GPHN: variants seen among roughly 807,000 people sequenced by gnomAD.
GPHN encodes gephyrin.
A neutral mutation model predicts 95.5 loss-of-function variants in GPHN; 17 were observed. That is an observed-to-expected ratio of 0.18 (90% CI 0.12 to 0.27). The LOEUF (loss-of-function observed/expected upper bound fraction) is 0.27. Among genes scored for constraint, GPHN ranks in the 10% least tolerant of loss-of-function variants. The pLI is 1.00. For missense variants in GPHN, 660 were observed against 978.1 expected (o/e 0.67, Z 4.34); for synonymous variants, 320 against 322.5 (o/e 0.99, Z 0.08).
the GPHN span, among the ~76,000 whole-genome samples, chr14:67,698,076 T>A: frequency 1.1e-4 from 16 of 152,344 alleles, no homozygotes; most frequent in South Asian, 2.3e-3. Flanking sequence ...AACATTGAAG[T>A]CAGCATTGCA....
the GPHN span, among the ~76,000 whole-genome samples, chr14:67,632,084 C>T: frequency 2.0e-5 from 3 of 152,026 alleles, no homozygotes; most frequent in African/African-American, 7.2e-5. Context: ...TGAGGTCTCA[C>T]TATGCTGCCC....
At chr14:66,590,969 G>C (rs1043980490) in intron 1 of GPHN, among the ~76,000 whole-genome samples, 4 of 152,066 alleles carry the variant, frequency 2.6e-5, no homozygotes, top group Non-Finnish European at 5.9e-5. Context: ...TAATCAAGTC[G>C]GCTTTATCTC....
intron 1 of GPHN, among the ~76,000 whole-genome samples, chr14:66,584,240 A>G (rs545962476): frequency 4.4e-4 from 67 of 152,228 alleles, no homozygotes; most frequent in East Asian, 2.1e-3. Context: ...TTGAGTTTGT[A>G]TCCTGAGACT....
chr14:67,729,068 C>G, the GPHN span: 1 of 1,001,508 alleles, frequency 1.0e-6, no homozygotes. Context: ...GTGGTACCTG[C>G]TGAATCCTGG....
chr14:66,562,839 G>C (rs755395136), intron 1 of GPHN, among the ~76,000 whole-genome samples: 1 of 152,062 alleles, frequency 6.6e-6, no homozygotes, highest in African/African-American at 2.4e-5. Context: ...TTCTAGTAGA[G>C]AGGAGGAGGG....
chr14:67,068,257 A>G (rs2076146420), intron 11 of GPHN, among the ~76,000 whole-genome samples: 1 of 152,200 alleles, frequency 6.6e-6, no homozygotes, highest in Admixed American at 6.5e-5. Flanking sequence ...GTTTGCATGT[A>G]TAAAGTGTTT....
the GPHN span, among the ~76,000 whole-genome samples, chr14:67,193,970 AAC>A: frequency 6.6e-6 from 1 of 150,578 alleles, no homozygotes; most frequent in African/African-American, 2.4e-5. Flanking sequence ...AAAAACGAAA[AAC>A]AAAAAAAAAA....
chr14:67,719,679 T>C, the GPHN span, among the ~76,000 whole-genome samples: 1 of 152,064 alleles, frequency 6.6e-6, no homozygotes, highest in African/African-American at 2.4e-5. Context: ...GGTCTCACTA[T>C]GTTGCCCAGG....
At chr14:66,735,195 G>T (rs946850095) in intron 2 of GPHN, among the ~76,000 whole-genome samples, 1 of 152,082 alleles carries the variant, frequency 6.6e-6, no homozygotes, top group Non-Finnish European at 1.5e-5. Flanking sequence ...GATACCATAG[G>T]CTTTTTTTAA....
intron 5 of GPHN, among the ~76,000 whole-genome samples, chr14:66,913,231 T>C (rs1191835443): frequency 6.6e-6 from 1 of 152,222 alleles, no homozygotes; most frequent in East Asian, 1.9e-4. Flanking sequence ...AGCAAGTGGA[T>C]GCTTGCTGGT....
intron 4 of GPHN, among the ~76,000 whole-genome samples, chr14:66,850,893 A>G (rs571819355): frequency 5.2e-4 from 79 of 152,278 alleles, no homozygotes; most frequent in African/African-American, 1.7e-3. Flanking sequence ...AATTTAAATG[A>G]TAATGAGATT....
At chr14:66,537,539 AT>A (rs1365184479) in intron 1 of GPHN, among the ~76,000 whole-genome samples, 1 of 151,804 alleles carries the variant, frequency 6.6e-6, no homozygotes, top group Non-Finnish European at 1.5e-5. Context: ...CCTTTGTGCT[AT>A]TTTTTTCATA....
intron 3 of GPHN, among the ~76,000 whole-genome samples, chr14:66,803,708 C>G (rs2060443004): frequency 6.6e-6 from 1 of 151,896 alleles, no homozygotes; most frequent in South Asian, 2.1e-4. Flanking sequence ...TTGTTGTTTA[C>G]TTTCTCTGCA....
chr14:67,165,596 CAGA>C (rs2082230791), intron 20 of GPHN, among the ~76,000 whole-genome samples: 1 of 152,178 alleles, frequency 6.6e-6, no homozygotes, highest in Admixed American at 6.5e-5. Context: ...CTCTCATAAC[CAGA>C]AGTATTGTGC....
chr14:66,931,384 A>G (rs958478515), intron 8 of GPHN, among the ~76,000 whole-genome samples: 6 of 152,022 alleles, frequency 3.9e-5, no homozygotes, highest in South Asian at 2.1e-4. Flanking sequence ...TTGAATATTG[A>G]TATCTTTCTC....
chr14:66,690,987 T>TA (rs1163166267), intron 2 of GPHN, among the ~76,000 whole-genome samples: 1 of 152,154 alleles, frequency 6.6e-6, no homozygotes, highest in Non-Finnish European at 1.5e-5. Context: ...CTGACTCACT[T>TA]ACGTATTTCA....
chr14:67,375,338 C>T, the GPHN span, among the ~76,000 whole-genome samples: 1 of 151,690 alleles, frequency 6.6e-6, no homozygotes, highest in Non-Finnish European at 1.5e-5. Flanking sequence ...TTACTGCAAC[C>T]ACCTCCTCCT....
At chr14:67,140,670 T>C (rs2080402712) in intron 17 of GPHN, among the ~76,000 whole-genome samples, 1 of 152,200 alleles carries the variant, frequency 6.6e-6, no homozygotes, top group East Asian at 1.9e-4. Flanking sequence ...TTCCATGTGA[T>C]GCTGTGTTTG....
the GPHN span, among the ~76,000 whole-genome samples, chr14:67,602,557 T>C: frequency 1.3e-5 from 2 of 152,258 alleles, no homozygotes; most frequent in Non-Finnish European, 2.9e-5. Context: ...CAGAGATAAG[T>C]ACTGTTAATG....
Sources: allele counts gnomAD v4.1 joint callset (sites outside exome capture counted in the v4.1 genomes callset), GRCh38; gene constraint gnomAD v4.1.1; transcripts MANE v1.5; gene names NCBI Gene and HGNC (gene_info 2026-07-23, HGNC 2026-07-21).